MIR2052HG: variants seen among roughly 807,000 people sequenced by gnomAD.
MIR2052HG encodes the protein MIR2052 host gene.
intron 2 of MIR2052HG, among the ~76,000 whole-genome samples, chr8:74,654,755 A>T (rs1294868309): frequency 6.6e-6 from 1 of 152,138 alleles, no homozygotes; most frequent in Non-Finnish European, 1.5e-5. Context: ...AATTGGTATC[A>T]GGAGTAGGGT....
chr8:74,720,201 T>A (rs943448187), intron 4 of MIR2052HG, among the ~76,000 whole-genome samples: 1 of 152,224 alleles, frequency 6.6e-6, no homozygotes, highest in African/African-American at 2.4e-5. Flanking sequence ...AAATCATTTT[T>A]ATCATTATTT....
intron 4 of MIR2052HG, among the ~76,000 whole-genome samples, chr8:74,710,743 G>T (rs1461332988): frequency 6.6e-6 from 1 of 152,102 alleles, no homozygotes; most frequent in African/African-American, 2.4e-5. Context: ...CAAAGTCCTG[G>T]GAGATGATCC....
chr8:74,712,795 C>A (rs1210691193), intron 4 of MIR2052HG, among the ~76,000 whole-genome samples: 1 of 149,990 alleles, frequency 6.7e-6, no homozygotes, highest in African/African-American at 2.5e-5. Context: ...AGATAATGTT[C>A]TATATGACAT....
At chr8:74,637,382 G>T (rs980731943) in intron 2 of MIR2052HG, among the ~76,000 whole-genome samples, 1 of 151,424 alleles carries the variant, frequency 6.6e-6, no homozygotes, top group Non-Finnish European at 1.5e-5. Context: ...TGTGAGAGAT[G>T]GGGGGTGAAA....
chr8:74,738,874 G>T (rs1809798340), intron 4 of MIR2052HG, among the ~76,000 whole-genome samples: 1 of 152,206 alleles, frequency 6.6e-6, no homozygotes, highest in African/African-American at 2.4e-5. Context: ...CATTCAGTCT[G>T]CCTCTGATCT....
At chr8:74,670,980 A>G (rs1340499027) in intron 2 of MIR2052HG, among the ~76,000 whole-genome samples, 3 of 150,968 alleles carry the variant, frequency 2.0e-5, no homozygotes, top group Non-Finnish European at 4.4e-5. Flanking sequence ...TTACTCAATT[A>G]GGAGATATTT....
At chr8:74,629,558 A>C (rs1808480571) in intron 2 of MIR2052HG, among the ~76,000 whole-genome samples, 1 of 152,152 alleles carries the variant, frequency 6.6e-6, no homozygotes, top group Admixed American at 6.5e-5. Flanking sequence ...CATAGGCTTC[A>C]GGGCTCTCCT....
chr8:74,620,829 T>C (rs571475212), intron 2 of MIR2052HG, among the ~76,000 whole-genome samples: 7 of 152,366 alleles, frequency 4.6e-5, no homozygotes, highest in African/African-American at 1.7e-4. Context: ...TCATTACTTA[T>C]GCAAATTTCT....
intron 4 of MIR2052HG, among the ~76,000 whole-genome samples, chr8:74,717,470 A>G (rs1340342872): frequency 6.6e-6 from 1 of 152,190 alleles, no homozygotes; most frequent in African/African-American, 2.4e-5. Flanking sequence ...CCATTACTTT[A>G]AATGGCAAAA....
intron 2 of MIR2052HG, among the ~76,000 whole-genome samples, chr8:74,679,166 G>C (rs1809090518): frequency 6.6e-6 from 1 of 152,100 alleles, no homozygotes; most frequent in Non-Finnish European, 1.5e-5. Context: ...ATTTAGTGAT[G>C]GTTTCCGAGA....
chr8:74,716,455 G>T (rs1809522676), intron 4 of MIR2052HG, among the ~76,000 whole-genome samples: 1 of 152,196 alleles, frequency 6.6e-6, no homozygotes, highest in South Asian at 2.1e-4. Context: ...GCTCATGCCT[G>T]TAATTCCAGC....
At chr8:74,634,519 T>A (rs1011748107) in intron 2 of MIR2052HG, among the ~76,000 whole-genome samples, 1 of 151,064 alleles carries the variant, frequency 6.6e-6, no homozygotes, top group Admixed American at 6.6e-5. Context: ...TCACCTTAAA[T>A]TTTTTTTTGA....
At chr8:74,709,613 A>G (rs1167481863) in intron 4 of MIR2052HG, among the ~76,000 whole-genome samples, 2 of 152,256 alleles carry the variant, frequency 1.3e-5, no homozygotes, top group Admixed American at 6.5e-5. Flanking sequence ...TTAGATTTCT[A>G]TATTAGCTCA....
intron 2 of MIR2052HG, among the ~76,000 whole-genome samples, chr8:74,664,075 G>A (rs187375785): frequency 2.6e-5 from 4 of 152,180 alleles, no homozygotes; most frequent in Admixed American, 2.6e-4. Flanking sequence ...TAAGCTATGA[G>A]TAGGCAAAGG....
At chr8:74,702,055 T>C (rs561959445) in intron 2 of MIR2052HG, among the ~76,000 whole-genome samples, 2 of 152,150 alleles carry the variant, frequency 1.3e-5, no homozygotes, top group South Asian at 4.1e-4. Flanking sequence ...TTGCTTCTAA[T>C]GGAAATAAGT....
chr8:74,753,629 T>G (rs951373355), intron 5 of MIR2052HG, among the ~76,000 whole-genome samples: 1 of 152,166 alleles, frequency 6.6e-6, no homozygotes, highest in Non-Finnish European at 1.5e-5. Context: ...CAAGCTATTT[T>G]TTGCATTCTT....
intron 2 of MIR2052HG, among the ~76,000 whole-genome samples, chr8:74,616,707 T>C (rs566268567): frequency 6.6e-6 from 1 of 152,272 alleles, no homozygotes; most frequent in African/African-American, 2.4e-5. Context: ...TTAAAGGCTG[T>C]AGATAGACTT....
At chr8:74,663,026 T>C (rs1359998322) in intron 2 of MIR2052HG, among the ~76,000 whole-genome samples, 3 of 152,080 alleles carry the variant, frequency 2.0e-5, no homozygotes, top group Non-Finnish European at 2.9e-5. Flanking sequence ...TAACACAAAA[T>C]TGCATCTTAT....
intron 2 of MIR2052HG, among the ~76,000 whole-genome samples, chr8:74,647,161 T>C (rs893394557): frequency 6.6e-6 from 1 of 152,144 alleles, no homozygotes; most frequent in African/African-American, 2.4e-5. Context: ...TATGCATATA[T>C]ATGCAATATA....
Sources: gnomAD v4.1 joint callset for allele counts (sites outside exome capture counted in the v4.1 genomes callset) on GRCh38, gnomAD v4.1.1 for gene constraint, MANE v1.5 for transcripts, NCBI Gene and HGNC (gene_info 2026-07-23, HGNC 2026-07-21) for gene names.